The following DOCK1 variants were observed in gnomAD, a reference collection of about 807,000 sequenced individuals.
The protein encoded by DOCK1 is dedicator of cytokinesis 1.
In DOCK1, 138 loss-of-function variants were observed where a neutral mutation model predicts 262.7. The observed-to-expected ratio is 0.53, with a 90% CI of 0.46 to 0.61. The LOEUF (loss-of-function observed/expected upper bound fraction) is 0.61, where lower values mean the gene tolerates loss of function less well. DOCK1 is among the 20% of genes least tolerant of loss of function. DOCK1 has a pLI of 0.00. For missense variants in DOCK1, 1,908 were observed against 2,370.7 expected, an observed-to-expected ratio of 0.80 and a Z score of 4.05; for synonymous variants, 866 against 867.4, an observed-to-expected ratio of 1.00 and a Z score of 0.03.
At chr10:126,966,675 C>T (rs996142916) in intron 1 of DOCK1, among the ~76,000 whole-genome samples, 148 of 152,168 alleles carry the variant, frequency 9.7e-4, no homozygotes, top group East Asian at 5.2e-3. Flanking sequence ...CAGAGGTGAT[C>T]GCAATACCTT....
chr10:127,000,270 A>AC lies in DOCK1; in HGVS notation c.949dup (p.Leu317ProfsTer26). 6.2e-7 allele frequency: 1 copy of AC among 1,614,008 alleles called. No individual in the cohort carries two copies. The highest frequency in any genetic ancestry group is 1.1e-5 in the South Asian group (1 of 91,076). ...AGCTGAGGGACAACAACACCAGGAA[A>AC]CTGACCTCGGGGTTGCGGCGACCTT... On this transcript the variant is annotated frameshift_variant, in exon 10 of 52. Coordinates refer to ENST00000623213, the MANE Select transcript of DOCK1 (RefSeq NM_001290223.2). LOFTEE classifies it high-confidence loss of function.
chr10:127,011,702 C>T (rs1247356145), intron 11 of DOCK1, among the ~76,000 whole-genome samples: 1 of 150,146 alleles, frequency 6.7e-6, no homozygotes, highest in African/African-American at 2.5e-5. Flanking sequence ...ATTCTTCTCA[C>T]ATGTAGTCAC....
intron 29 of DOCK1, among the ~76,000 whole-genome samples, chr10:127,306,282 T>G (rs1380464846): frequency 6.6e-6 from 1 of 152,224 alleles, no homozygotes; most frequent in Admixed American, 6.5e-5. Context: ...TCCAGAGTGC[T>G]GGGATTACAG....
chr10:127,407,132 CT>C (rs1012363728), intron 40 of DOCK1, among the ~76,000 whole-genome samples: 5 of 151,996 alleles, frequency 3.3e-5, no homozygotes, highest in Admixed American at 2.0e-4. Flanking sequence ...TAAACTGGTT[CT>C]TTTTTTAGCG....
intron 7 of DOCK1, among the ~76,000 whole-genome samples, chr10:126,997,437 G>A (rs961101653): frequency 1.3e-5 from 2 of 152,060 alleles, no homozygotes; most frequent in Non-Finnish European, 2.9e-5. Flanking sequence ...TAATTATGGT[G>A]GAAGGCGAAG....
chr10:127,331,610 G>A (rs1301734682), intron 29 of DOCK1, among the ~76,000 whole-genome samples: 2 of 152,150 alleles, frequency 1.3e-5, no homozygotes, highest in East Asian at 3.9e-4. Flanking sequence ...CTTCTCTGGG[G>A]TCCCTTTGGC....
chr10:127,349,361 CAT>C (rs2063779520), intron 31 of DOCK1, among the ~76,000 whole-genome samples: 2 of 152,140 alleles, frequency 1.3e-5, no homozygotes, highest in African/African-American at 4.8e-5. Context: ...CATCTCAGAA[CAT>C]GCTTTTCTTC....
chr10:127,438,966 C>T, intron 48 of DOCK1, 61 bp from the exon 49 acceptor site: 10 of 1,460,328 alleles, frequency 6.8e-6, no homozygotes, highest in South Asian at 4.2e-5. Context: ...TGACTTTACA[C>T]GTGTCTGTGG....
intron 21 of DOCK1, among the ~76,000 whole-genome samples, chr10:127,045,840 C>T (rs1014738587): frequency 6.6e-6 from 1 of 152,182 alleles, no homozygotes; most frequent in Non-Finnish European, 1.5e-5. Context: ...GCAGGCTCCT[C>T]ACTGGCAACT....
At chr10:127,005,214 C>G (rs1260964799) in intron 10 of DOCK1, among the ~76,000 whole-genome samples, 3 of 151,902 alleles carry the variant, frequency 2.0e-5, no homozygotes, top group South Asian at 2.1e-4. Context: ...GTCGTGGTGG[C>G]GCATGCTTGG....
In DOCK1 at chr10:127,213,996, T is replaced by C. The variant is rs557464372; in HGVS notation, c.2848-34012T>C. 2.6e-5 allele frequency among the ~76,000 whole-genome samples: 4 copies of C among 152,270 alleles called. No homozygotes were observed. The East Asian group carries it at 7.7e-4, about 29-fold the overall frequency. On this transcript the variant is annotated intron_variant, in intron 27 of 51. Transcript: ENST00000623213. The stretch of plus-strand genomic sequence containing the variant: ...CTGGGACTACAGGCACCCGCCACCA[T>C]GCCTGGCTAATTTTTTTGTATTTTT...
intron 6 of DOCK1, among the ~76,000 whole-genome samples, chr10:126,993,425 C>T (rs1306298858): frequency 1.3e-5 from 2 of 152,228 alleles, no homozygotes; most frequent in Non-Finnish European, 2.9e-5. Flanking sequence ...AGTATTGACC[C>T]CACCCACACC....
At chr10:126,974,446 G>A (rs2038360283) in intron 2 of DOCK1, among the ~76,000 whole-genome samples, 1 of 152,156 alleles carries the variant, frequency 6.6e-6, no homozygotes, top group African/African-American at 2.4e-5. Flanking sequence ...TGGGACCTGT[G>A]TCTTGCCTGT....
intron 1 of DOCK1, among the ~76,000 whole-genome samples, chr10:126,927,492 G>A (rs1313326804): frequency 1.3e-5 from 2 of 151,968 alleles, no homozygotes; most frequent in Non-Finnish European, 2.9e-5. Flanking sequence ...AGGCTGGAGT[G>A]CAGTGGCCAT....
At chr10:126,950,879 C>T (rs997764710) in intron 1 of DOCK1, among the ~76,000 whole-genome samples, 13 of 151,870 alleles carry the variant, frequency 8.6e-5, no homozygotes, top group Non-Finnish European at 1.6e-4. Context: ...CTGGTGATAG[C>T]GGTGGTGCTG....
Position 126,949,125 on chromosome 10 carries a change from C to T in DOCK1, c.47-21577C>T, listed in dbSNP as rs2035935023. Among the ~76,000 whole-genome samples the T allele has an allele frequency of 2.0e-5, 3 of 152,090 alleles. No homozygotes were observed. The South Asian group carries it at 6.2e-4, about 32-fold the overall frequency. On this transcript the variant is annotated intron_variant, in intron 1 of 51. Coordinates refer to ENST00000623213, the MANE Select transcript of DOCK1 (RefSeq NM_001290223.2). ...GGTGCATCCTGCCCTTGCTGCCTGCCTGGCACTCTGGGTTCCCCTCTGCAC... is the reference window on the plus strand; with the variant it reads ...GGTGCATCCTGCCCTTGCTGCCTGCTTGGCACTCTGGGTTCCCCTCTGCAC...
intron 29 of DOCK1, among the ~76,000 whole-genome samples, chr10:127,285,871 C>T (rs563738209): frequency 8.5e-4 from 129 of 152,290 alleles, no homozygotes; most frequent in African/African-American, 2.8e-3. Context: ...TCTATCTGGG[C>T]TCCGTGAAAC....
rs1317290044 is a variant in DOCK1, at chr10:126,987,535, T to C, written c.242T>C (p.Val81Ala). 1.3e-6 allele frequency: 2 copies of C among 1,578,386 alleles called. No homozygotes were observed. The highest frequency in any genetic ancestry group is 8.6e-7 in the Non-Finnish European group (1 of 1,161,854). The change falls in exon 5 of 52, where the codon GTC becomes GCC. Residue 81 changes from valine (V) to alanine (A), a missense_variant. By Grantham distance (64) the Val-to-Ala change is moderately conservative. This residue lies in a region of DOCK1 where 227 missense variants were observed against 254.1 expected (regional missense o/e 0.89). Transcript: ENST00000623213. ...IVEGKGQHET[V>A]IPGDLPLIQE... The stretch of plus-strand genomic sequence containing the variant: ...TTTCCTCCCAGGCAACATGAAACAG[T>C]CATCCCGGGTGACCTCCCCCTCATC...
chr10:126,934,728 G>C (rs917890771), intron 1 of DOCK1, among the ~76,000 whole-genome samples: 3 of 144,996 alleles, frequency 2.1e-5, no homozygotes, highest in Non-Finnish European at 4.5e-5. Context: ...GCTAGTCACA[G>C]CCTATTTGGA....
Sources: gnomAD v4.1 joint callset for allele counts (sites outside exome capture counted in the v4.1 genomes callset) on GRCh38, gnomAD v4.1.1 for gene constraint, gnomAD v4.1.1 regional missense constraint, MANE v1.5 for transcripts, NCBI Gene and HGNC (gene_info 2026-07-23, HGNC 2026-07-21) for gene names.